PTPRG: variants seen among roughly 807,000 people sequenced by gnomAD.
The protein encoded by PTPRG is receptor-type tyrosine-protein phosphatase gamma.
Under a neutral mutation model 165.3 loss-of-function variants are expected in PTPRG, and 102 were observed. The observed-to-expected ratio is 0.62, with a 90% CI of 0.53 to 0.73. The LOEUF (loss-of-function observed/expected upper bound fraction) is 0.73, where lower values mean the gene tolerates loss of function less well. PTPRG is among the 30% of genes least tolerant of loss of function. PTPRG has a pLI of 0.00. For missense variants in PTPRG, 1,866 were observed against 1,861.4 expected, an observed-to-expected ratio of 1.00 and a Z score of -0.05; for synonymous variants, 675 against 669.5, an observed-to-expected ratio of 1.01 and a Z score of -0.13.
At chr3:61,778,253 G>A (rs1201886950) in intron 2 of PTPRG, among the ~76,000 whole-genome samples, 2 of 152,124 alleles carry the variant, frequency 1.3e-5, no homozygotes, top group Admixed American at 6.5e-5. Flanking sequence ...GGGCTCAAGG[G>A]CTCCTGTTAT....
intron 3 of PTPRG, among the ~76,000 whole-genome samples, chr3:61,996,192 A>G (rs778626300): frequency 6.6e-6 from 1 of 152,218 alleles, no homozygotes; most frequent in Non-Finnish European, 1.5e-5. Flanking sequence ...TATTGTAATA[A>G]AACCTCTCTT....
At chr3:62,166,507 T>C (rs530857454) in intron 7 of PTPRG, among the ~76,000 whole-genome samples, 28 of 151,682 alleles carry the variant, frequency 1.8e-4, no homozygotes, top group Non-Finnish European at 2.8e-4. Flanking sequence ...GGCTAATTTT[T>C]GTATTTTTAG....
At chr3:62,069,004 A>C (rs1701113871) in intron 4 of PTPRG, among the ~76,000 whole-genome samples, 1 of 152,204 alleles carries the variant, frequency 6.6e-6, no homozygotes. Context: ...TGGTTCCTCT[A>C]AAAATATTCT....
intron 2 of PTPRG, among the ~76,000 whole-genome samples, chr3:61,917,711 C>T (rs2038975721): frequency 6.6e-6 from 1 of 152,172 alleles, no homozygotes; most frequent in African/African-American, 2.4e-5. Context: ...AGGCGGATCA[C>T]CTGAGGTCAG....
At chr3:61,776,995 C>T (rs932756502) in intron 2 of PTPRG, among the ~76,000 whole-genome samples, 3 of 152,030 alleles carry the variant, frequency 2.0e-5, no homozygotes, top group African/African-American at 7.2e-5. Flanking sequence ...TTGTGGGGGT[C>T]GAGGTTCAAG....
At chr3:61,790,013 T>C (rs1356717507) in intron 2 of PTPRG, among the ~76,000 whole-genome samples, 2 of 152,222 alleles carry the variant, frequency 1.3e-5, no homozygotes, top group Non-Finnish European at 2.9e-5. Flanking sequence ...AGGGTCGGCA[T>C]GGCCGTGGGA....
At chr3:61,840,662 A>G (rs1011544225) in intron 2 of PTPRG, among the ~76,000 whole-genome samples, 2 of 151,888 alleles carry the variant, frequency 1.3e-5, no homozygotes, top group African/African-American at 4.8e-5. Context: ...GACAGAGAAT[A>G]TATTTTTACC....
At position 62,075,012 on chromosome 3, in the gene PTPRG, T is replaced by C. The variant is rs560928295; in HGVS notation, c.520-3151T>C. On this transcript the variant is annotated intron_variant, in intron 4 of 29. Coordinates refer to ENST00000474889, the MANE Select transcript of PTPRG (RefSeq NM_002841.4). Reference sequence around the variant, plus strand: ...TAGACACTTCAAATATTACCGTAATTTGTTAGGCTACAACTTGAGAAAAAT... The same window carrying C: ...TAGACACTTCAAATATTACCGTAATCTGTTAGGCTACAACTTGAGAAAAAT... Among the ~76,000 whole-genome samples, 3 of 152,322 alleles carry C rather than the reference T, an allele frequency of 2.0e-5. No individual in the cohort carries two copies. In the South Asian group the frequency reaches 6.2e-4, roughly 32 times the overall value.
intron 2 of PTPRG, among the ~76,000 whole-genome samples, chr3:61,971,464 G>T (rs556332973): frequency 5.3e-5 from 8 of 152,254 alleles, no homozygotes; most frequent in South Asian, 4.1e-4. Context: ...CCATATTTTT[G>T]ATTAAAGGGC....
intron 2 of PTPRG, among the ~76,000 whole-genome samples, chr3:61,873,890 C>T (rs567990777): frequency 2.0e-5 from 3 of 152,310 alleles, no homozygotes; most frequent in South Asian, 2.1e-4. Context: ...GACTCAACCT[C>T]CTCCTGCCCT....
intron 2 of PTPRG, among the ~76,000 whole-genome samples, chr3:61,894,810 T>C (rs2038307759): frequency 6.6e-6 from 1 of 152,226 alleles, no homozygotes; most frequent in African/African-American, 2.4e-5. Flanking sequence ...TCAGATCCAC[T>C]TAGTAGCTCT....
intron 4 of PTPRG, among the ~76,000 whole-genome samples, chr3:62,069,680 T>A (rs62243349): frequency 0.78 from 108,953 of 139,872 alleles, 41,203 homozygotes; most frequent in Middle Eastern, 0.81. Context: ...TCTCTCTCTC[T>A]CTCTCACACA....
chr3:62,026,421 GC>G (rs952080152), intron 4 of PTPRG, among the ~76,000 whole-genome samples: 5 of 152,038 alleles, frequency 3.3e-5, no homozygotes, highest in African/African-American at 1.2e-4. Flanking sequence ...GCTACCATGG[GC>G]ACCTCCCTTC....
At chr3:61,734,778 A>G (rs1032109255) in intron 1 of PTPRG, among the ~76,000 whole-genome samples, 1 of 152,234 alleles carries the variant, frequency 6.6e-6, no homozygotes, top group Non-Finnish European at 1.5e-5. Context: ...CGTATTGCAG[A>G]GTCATAAAAG....
Position 62,255,174 on chromosome 3 carries a change from C to A in PTPRG, c.2518C>A (p.Leu840Ile). ...ACAGTTTGTCAAACACATCGGTGAG[C>A]TCTATTCTAATAACCAGCATGGGTT... The part of the protein sequence containing the change: ...VKQFVKHIGE[L>I]YSNNQHGFSE... The change falls in exon 16 of 30, where the codon CTC (leucine) becomes ATC (isoleucine). Residue 840 changes from leucine (L) to isoleucine (I), a missense_variant. By Grantham distance (5) the Leu-to-Ile change is conservative. This residue lies in a region of PTPRG where 1,452 missense variants were observed against 1,463.0 expected (regional missense o/e 0.99). Coordinates refer to ENST00000474889, the MANE Select transcript of PTPRG (RefSeq NM_002841.4). This position sits in a 1 kb window ranked among gnomAD's most constrained non-coding sequence, Gnocchi z 4.0. 6.2e-7 allele frequency: 1 copy of A among 1,613,318 alleles called. No homozygotes were observed. The highest frequency in any genetic ancestry group is 8.5e-7 in the Non-Finnish European group (1 of 1,179,592).
intron 2 of PTPRG, among the ~76,000 whole-genome samples, chr3:61,798,584 A>G (rs1332300855): frequency 6.8e-6 from 1 of 148,040 alleles, no homozygotes; most frequent in Admixed American, 6.7e-5. Flanking sequence ...TTACCACCTC[A>G]TCAGGCATTC....
chr3:61,663,552 C>A (rs189406177), intron 1 of PTPRG, among the ~76,000 whole-genome samples: 2 of 151,988 alleles, frequency 1.3e-5, no homozygotes, highest in Admixed American at 6.6e-5. Context: ...TTCCATGGAC[C>A]GGGGGTTGGG....
intron 15 of PTPRG, among the ~76,000 whole-genome samples, chr3:62,249,136 C>T (rs1426532576): frequency 1.3e-5 from 2 of 152,174 alleles, no homozygotes; most frequent in Non-Finnish European, 2.9e-5. Context: ...ACACTCCATG[C>T]ATCCTAAGAG....
intron 4 of PTPRG, among the ~76,000 whole-genome samples, chr3:62,043,863 A>G (rs763316713): frequency 1.4e-4 from 21 of 152,214 alleles, no homozygotes; most frequent in Admixed American, 2.6e-4. Flanking sequence ...TCGGTGGAAG[A>G]AAGTTTTGAA....
Sources: allele counts gnomAD v4.1 joint callset (sites outside exome capture counted in the v4.1 genomes callset), GRCh38; gene constraint gnomAD v4.1.1; regional missense constraint gnomAD v4.1.1; non-coding constraint Gnocchi (gnomAD v3.1); transcripts MANE v1.5; gene names NCBI Gene and HGNC (gene_info 2026-07-23, HGNC 2026-07-21).